ITGB5: variants seen among roughly 807,000 people sequenced by gnomAD.
ITGB5 encodes the protein integrin beta-5.
A neutral mutation model predicts 84.8 loss-of-function variants in ITGB5; 38 were observed. That is an observed-to-expected ratio of 0.45 (90% CI 0.35 to 0.59). The LOEUF is 0.59. ITGB5 is among the 20% of genes least tolerant of loss of function. The pLI is 0.01. For missense variants in ITGB5, 905 were observed against 1,034.5 expected (o/e 0.87, Z 1.72); for synonymous variants, 393 against 414.4 (o/e 0.95, Z 0.63).
chr3:124,850,274 C>G (rs1333150361), intron 3 of ITGB5, among the ~76,000 whole-genome samples: 1 of 151,746 alleles, frequency 6.6e-6, no homozygotes, highest in East Asian at 1.9e-4. Flanking sequence ...AGGAGTGCAA[C>G]CTGGGCCACG....
intron 5 of ITGB5, among the ~76,000 whole-genome samples, chr3:124,835,247 G>A (rs544419472): frequency 1.3e-5 from 2 of 152,322 alleles, no homozygotes; most frequent in East Asian, 1.9e-4. Context: ...GTGGGGCTGC[G>A]GAGCCCACAA....
intron 1 of ITGB5, among the ~76,000 whole-genome samples, chr3:124,881,068 C>T (rs1041868850): frequency 2.6e-5 from 4 of 152,036 alleles, no homozygotes; most frequent in South Asian, 4.2e-4. Flanking sequence ...ACTGCAACCT[C>T]GGCCTCCAAA....
chr3:124,844,961 C>T (rs867449506), intron 4 of ITGB5, among the ~76,000 whole-genome samples: 10 of 152,180 alleles, frequency 6.6e-5, no homozygotes, highest in South Asian at 2.1e-4. Context: ...TTCTCGACAA[C>T]GGCAAACATA....
intron 1 of ITGB5, among the ~76,000 whole-genome samples, chr3:124,898,642 T>C (rs1579355529): frequency 3.7e-4 from 2 of 5,344 alleles, no homozygotes; most frequent in Admixed American, 3.0e-3. Flanking sequence ...AGACTCCGTC[T>C]CAAAAAAAAA....
At chr3:124,808,771 C>A (rs760937563) in intron 9 of ITGB5, among the ~76,000 whole-genome samples, 1 of 152,192 alleles carries the variant, frequency 6.6e-6, no homozygotes, top group Non-Finnish European at 1.5e-5. Context: ...ACCAAAGTCA[C>A]GATGCCAACT....
intron 2 of ITGB5, among the ~76,000 whole-genome samples, chr3:124,868,335 G>C (rs920092585): frequency 2.0e-5 from 3 of 152,198 alleles, no homozygotes; most frequent in African/African-American, 7.2e-5. Context: ...ACAAGGTAGA[G>C]AGTGTGCTGC....
chr3:124,882,104 T>C (rs1318334975), intron 1 of ITGB5, among the ~76,000 whole-genome samples: 2 of 152,190 alleles, frequency 1.3e-5, no homozygotes, highest in Admixed American at 6.5e-5. Context: ...TGCATCGCCC[T>C]CTTCACCTCC....
At chr3:124,789,399 A>G (rs4678159) in intron 10 of ITGB5, among the ~76,000 whole-genome samples, 30,734 of 139,174 alleles carry the variant, frequency 0.22, 2,088 homozygotes, top group African/African-American at 0.31. Context: ...GCCTCTGACT[A>G]GACAGGGTTA....
At chr3:124,771,692 G>A (rs1410612331) in intron 11 of ITGB5, among the ~76,000 whole-genome samples, 1 of 146,352 alleles carries the variant, frequency 6.8e-6, no homozygotes, top group Non-Finnish European at 1.5e-5. Flanking sequence ...AGGCTGCAGT[G>A]AGCTGTGATG....
chr3:124,772,181 C>T (rs1213220397), intron 11 of ITGB5, among the ~76,000 whole-genome samples: 3 of 152,186 alleles, frequency 2.0e-5, no homozygotes, highest in African/African-American at 4.8e-5. Context: ...TAACCTTCCC[C>T]GGGCTGTTTC....
At chr3:124,885,055 T>G (rs9681067) in intron 1 of ITGB5, among the ~76,000 whole-genome samples, 5,549 of 152,252 alleles carry the variant, frequency 0.036, 322 homozygotes, top group African/African-American at 0.12. Flanking sequence ...TAGATCACCT[T>G]AAGTGAGGAG....
chr3:124,822,329 G>A (rs921058376), intron 5 of ITGB5, among the ~76,000 whole-genome samples: 3 of 152,308 alleles, frequency 2.0e-5, no homozygotes, highest in South Asian at 2.1e-4. Flanking sequence ...CCCCAAATGC[G>A]TCGGTAGCAG....
intron 1 of ITGB5, among the ~76,000 whole-genome samples, chr3:124,876,652 G>A (rs1392545512): frequency 6.6e-6 from 1 of 152,210 alleles, no homozygotes; most frequent in African/African-American, 2.4e-5. Flanking sequence ...AGGAAGAGAG[G>A]CTTTGAGAAC....
intron 10 of ITGB5, among the ~76,000 whole-genome samples, chr3:124,782,595 C>T (rs1054574133): frequency 4.6e-5 from 7 of 152,274 alleles, no homozygotes; most frequent in African/African-American, 1.2e-4. Flanking sequence ...CGGTGGCTCA[C>T]GGCTGTAATC....
chr3:124,831,854 T>C (rs546178501), intron 5 of ITGB5, among the ~76,000 whole-genome samples: 44 of 152,242 alleles, frequency 2.9e-4, no homozygotes, highest in Non-Finnish European at 5.0e-4. Context: ...AAAAGCAGCA[T>C]TGTGCCTCAG....
rs748784158 is a variant in ITGB5 at position 124,894,134 on chromosome 3, C to CTTTTTTTTTTTTTT, written c.-255+7118_-255+7131dup. ...TTATAGTAAAAGTTGTGATATTTTT[C>CTTTTTTTTTTTTTT]TTTTTTTTTTTTTTTTTTGAGACAG... is the stretch of plus-strand genomic sequence containing the variant. On this transcript the variant is annotated intron_variant, in intron 1 of 4. Transcript: ENST00000608657. 1.0e-3 allele frequency among the ~76,000 whole-genome samples: 107 copies of CTTTTTTTTTTTTTT among 104,348 alleles called. 11 individuals are homozygous for CTTTTTTTTTTTTTT. Among genetic ancestry groups the CTTTTTTTTTTTTTT allele is most frequent in the Non-Finnish European group, 1.4e-3 (79 of 55,042 alleles). The allele number at this position is 104,348 out of a possible 152,430, so 68.5% of individuals were successfully genotyped here.
At chr3:124,840,717 T>A (rs1421318715) in intron 5 of ITGB5, among the ~76,000 whole-genome samples, 1 of 151,450 alleles carries the variant, frequency 6.6e-6, no homozygotes, top group Non-Finnish European at 1.5e-5. Context: ...CAGGCTGGAG[T>A]GCAGTGGCAC....
intron 1 of ITGB5, chr3:124,894,549 T>A (rs1280651961): frequency 6.6e-6 from 1 of 152,198 alleles, no homozygotes; most frequent in African/African-American, 2.4e-5. Flanking sequence ...TGGAGGAAAC[T>A]CTCCTGGATT....
chr3:124,787,950 C>T (rs1295201566), intron 10 of ITGB5, among the ~76,000 whole-genome samples: 3 of 144,216 alleles, frequency 2.1e-5, no homozygotes, highest in African/African-American at 5.2e-5. Flanking sequence ...CTCTGTTGCC[C>T]AGGCTGGAGT....
Sources: allele counts gnomAD v4.1 joint callset (sites outside exome capture counted in the v4.1 genomes callset), GRCh38; gene constraint gnomAD v4.1.1; transcripts MANE v1.5; gene names NCBI Gene and HGNC (gene_info 2026-07-23, HGNC 2026-07-21).